Variants in OPHN1 observed in about 807,000 individuals in gnomAD.
OPHN1 encodes oligophrenin 1.
OPHN1 carries 11 observed loss-of-function variants against 60.7 expected under a neutral mutation model. That is an observed-to-expected ratio of 0.18 (90% CI 0.11 to 0.30). The LOEUF (loss-of-function observed/expected upper bound fraction) is 0.30. OPHN1 is among the 10% of genes least tolerant of loss of function. The pLI is 1.00. For synonymous variants in OPHN1, 226 were observed against 222.6 expected (o/e 1.02, Z -0.14); for missense variants, 449 against 611.0 (o/e 0.73, Z 2.80).
intron 5 of OPHN1, among the ~76,000 whole-genome samples, chrX:68,258,035 A>T (rs2077873035): frequency 9.1e-6 from 1 of 109,788 alleles, no homozygotes; most frequent in African/African-American, 3.3e-5. Flanking sequence ...GAAGGGGCAG[A>T]TAACAGTTTC....
chrX:68,428,980 A>G (rs1263973856), intron 2 of OPHN1, among the ~76,000 whole-genome samples: 1 of 112,377 alleles, frequency 8.9e-6, no homozygotes, highest in African/African-American at 3.2e-5. Flanking sequence ...ATTCACCAAC[A>G]GATATATTAA....
At chrX:68,372,029 G>A (rs960893785) in intron 2 of OPHN1, among the ~76,000 whole-genome samples, 2 of 112,580 alleles carry the variant, frequency 1.8e-5, no homozygotes, top group Non-Finnish European at 3.8e-5. Flanking sequence ...ACAGGTGTGA[G>A]CCACCATGCC....
chrX:68,194,110 A>G (rs913023016), intron 13 of OPHN1, among the ~76,000 whole-genome samples, 158 bp from the exon 14 acceptor site: 1 of 111,989 alleles, frequency 8.9e-6, no homozygotes, highest in African/African-American at 3.2e-5. Flanking sequence ...TTTTCAGGGG[A>G]GGTTTAACAT....
intron 2 of OPHN1, among the ~76,000 whole-genome samples, chrX:68,400,798 C>T (rs940385614): frequency 1.8e-5 from 2 of 109,457 alleles, no homozygotes; most frequent in Non-Finnish European, 3.8e-5. Context: ...GACAGGGTTT[C>T]GCCATGTTGG....
chrX:68,238,610 C>T (rs1007424530), intron 5 of OPHN1, among the ~76,000 whole-genome samples: 1 of 111,456 alleles, frequency 9.0e-6, no homozygotes, highest in African/African-American at 3.3e-5. Context: ...CAATAGAGAT[C>T]TTGTGTATTT....
chrX:68,307,498 G>A (rs370459992), intron 2 of OPHN1, among the ~76,000 whole-genome samples: 1 of 107,934 alleles, frequency 9.3e-6, no homozygotes, highest in African/African-American at 3.4e-5. Flanking sequence ...ATGGATATAC[G>A]AAACTCCATG....
chrX:68,244,692 C>T (rs2077797088), intron 5 of OPHN1, among the ~76,000 whole-genome samples: 1 of 112,133 alleles, frequency 8.9e-6, no homozygotes, highest in African/African-American at 3.2e-5. Context: ...CACATTTTTC[C>T]AATATAACTT....
At chrX:68,293,850 C>T (rs2078081195) in intron 3 of OPHN1, among the ~76,000 whole-genome samples, 1 of 111,248 alleles carries the variant, frequency 9.0e-6, no homozygotes, top group Admixed American at 9.6e-5. Flanking sequence ...TGAGCCCTAG[C>T]CACCTGCCTT....
In OPHN1 at chrX:68,045,548, A is replaced by G. The variant is rs973220554; in HGVS notation, c.*1624T>C. ...CAAGTAGGAAAGCTCTTTCCCTCAC[A>G]CTGGGCAACATTATAATTATACAGA... On this transcript the variant is annotated 3_prime_UTR_variant, in exon 25 of 25. Transcript: ENST00000355520. 8.9e-6 allele frequency: 1 copy of G among 111,777 alleles called. No homozygotes were observed. The highest frequency in any genetic ancestry group is 1.9e-5 in the Non-Finnish European group (1 of 53,206). 9.2% of individuals were successfully genotyped at this position (111,777 alleles called of 1,213,427 possible). A position where few individuals can be genotyped will look rare whatever the true frequency, so the allele number is the denominator to read the frequency against.
chrX:68,095,986 G>A (rs1321292031), intron 19 of OPHN1, among the ~76,000 whole-genome samples: 2 of 111,495 alleles, frequency 1.8e-5, no homozygotes, highest in East Asian at 5.6e-4. Context: ...AATGAGATGG[G>A]GTTCGAATAA....
intron 2 of OPHN1, among the ~76,000 whole-genome samples, chrX:68,423,166 C>T (rs907753002): frequency 1.8e-5 from 2 of 111,084 alleles, no homozygotes; most frequent in Non-Finnish European, 3.8e-5. Context: ...GCTGGGACTA[C>T]AGGCGCCCAC....
chrX:68,085,119 T>C (rs2076990476), intron 19 of OPHN1, among the ~76,000 whole-genome samples: 1 of 112,274 alleles, frequency 8.9e-6, no homozygotes, highest in Non-Finnish European at 1.9e-5. Flanking sequence ...AACTCTTTTT[T>C]AACAATGGGC....
chrX:68,095,470 G>A (rs891712206), intron 19 of OPHN1, among the ~76,000 whole-genome samples: 2 of 112,273 alleles, frequency 1.8e-5, no homozygotes, highest in Non-Finnish European at 3.8e-5. Flanking sequence ...AAAGCTTTCT[G>A]ATCCCTGCTT....
At chrX:68,392,213 C>T (rs767131366) in intron 2 of OPHN1, among the ~76,000 whole-genome samples, 59 of 111,354 alleles carry the variant, frequency 5.3e-4, no homozygotes, top group Non-Finnish European at 9.0e-4. Context: ...TTATGATGAT[C>T]CACTTCCACT....
At chrX:68,210,526 T>C (rs1165232368) in intron 8 of OPHN1, among the ~76,000 whole-genome samples, 1 of 111,466 alleles carries the variant, frequency 9.0e-6, no homozygotes, top group Admixed American at 9.6e-5. Context: ...ACTGGGAGGC[T>C]TTTTACTAAT....
chrX:68,320,539 A>AC (rs757799738), intron 2 of OPHN1, among the ~76,000 whole-genome samples: 1,547 of 105,077 alleles, frequency 0.015, 35 homozygotes, highest in African/African-American at 0.047. Flanking sequence ...CTATGAATGA[A>AC]CCCCCCCCCA....
intron 19 of OPHN1, among the ~76,000 whole-genome samples, chrX:68,085,974 T>C (rs2076993619): frequency 9.2e-6 from 1 of 109,148 alleles, no homozygotes; most frequent in South Asian, 4.0e-4. Flanking sequence ...AGGTCGGGAG[T>C]TCAAGACGAG....
chrX:68,179,070 T>C (rs1169082474), intron 15 of OPHN1, among the ~76,000 whole-genome samples: 1 of 112,293 alleles, frequency 8.9e-6, no homozygotes, highest in Non-Finnish European at 1.9e-5. Flanking sequence ...ATATAGATGT[T>C]ACACATTTCC....
At position 68,045,004 on chromosome X, in the gene OPHN1, G is replaced by A. The variant is rs1416156650; in HGVS notation, c.*2168C>T. The A allele has an allele frequency of 2.7e-5, 3 of 111,672 alleles. No individual in the cohort carries two copies. Among genetic ancestry groups the A allele is most frequent in the African/African-American group, 9.8e-5 (3 of 30,674 alleles). The allele number at this position is 111,672 out of a possible 1,213,427, so 9.2% of individuals were successfully genotyped here. A position where few individuals can be genotyped will look rare whatever the true frequency, so the allele number is the denominator to read the frequency against. On this transcript the variant is annotated 3_prime_UTR_variant, in exon 25 of 25. Coordinates refer to ENST00000355520, the MANE Select transcript of OPHN1 (RefSeq NM_002547.3). ...CTTTAAAGGGACTGTGGCCCTATTA[G>A]CCATGCTTTCATGGCCAAAATCTGC... is the stretch of plus-strand genomic sequence containing the variant.
Sources: allele counts gnomAD v4.1 joint callset (sites outside exome capture counted in the v4.1 genomes callset), GRCh38; gene constraint gnomAD v4.1.1; transcripts MANE v1.5; gene names NCBI Gene and HGNC (gene_info 2026-07-23, HGNC 2026-07-21).